The following DDX5 variants were observed in gnomAD, a reference collection of about 807,000 sequenced individuals.
DDX5 encodes the protein DEAD-box helicase 5.
Under a neutral mutation model 68.6 loss-of-function variants are expected in DDX5, and 6 were observed. That is an observed-to-expected ratio of 0.09 (90% confidence interval 0.05 to 0.17). The LOEUF (loss-of-function observed/expected upper bound fraction) is 0.17. Ranked by LOEUF, DDX5 falls within the 10% of genes least tolerant of loss-of-function variation. The pLI is 1.00. For missense variants in DDX5, 499 were observed against 756.1 expected (o/e 0.66, Z 3.99); for synonymous variants, 350 against 247.0 (o/e 1.42, Z -3.91).
In DDX5 at chr17:64,502,405, A is replaced by G. The variant is rs376858379; in HGVS notation, c.1094+34T>C. Reference sequence around the variant, plus strand: ...GTTTGCCCTTTCCTAAGCTGTTTTAATCAATCTGCTTCAATGGAGGAGCTC... The same window carrying G: ...GTTTGCCCTTTCCTAAGCTGTTTTAGTCAATCTGCTTCAATGGAGGAGCTC... On this transcript the variant is annotated intron_variant, in intron 9 of 12. Transcript: ENST00000225792. The G allele has an allele frequency of 9.8e-6, 15 of 1,537,190 alleles. No individual in the cohort carries two copies. In the African/African-American group the frequency reaches 1.8e-4, roughly 18 times the overall value.
intron 1 of DDX5, 44 bp from the exon 2 acceptor site, chr17:64,504,886 C>T (rs782127243): frequency 3.2e-6 from 5 of 1,565,222 alleles, no homozygotes; most frequent in African/African-American, 1.4e-5. Flanking sequence ...AATGGCTATA[C>T]CCAGGTTTCT....
In DDX5 at chr17:64,500,643, G is replaced by A; in HGVS notation, c.1347C>T (p.Asn449=). Residue 449 remains asparagine (N), a synonymous_variant, in exon 12 of 13, where the codon AAC becomes AAT. Coordinates refer to ENST00000225792, the MANE Select transcript of DDX5 (RefSeq NM_004396.5). ...AGATAAGGTCGCTCACTTGCTTTAT[G>A]TTATTAGGTGTAAAGAAAGTGTATG... The part of the protein sequence containing the change: ...GTAYTFFTPN[N]IKQVSDLISV... 1 of 1,614,174 alleles carries A rather than the reference G, an allele frequency of 6.2e-7. No individual in the cohort carries two copies. Among genetic ancestry groups the A allele is most frequent in the Non-Finnish European group, 8.5e-7 (1 of 1,180,014 alleles).
intron 1 of DDX5, chr17:64,505,415 A>AG: frequency 1.9e-6 from 1 of 530,756 alleles, no homozygotes; most frequent in Non-Finnish European, 3.4e-6. Flanking sequence ...GCAGGAAAAA[A>AG]GAAAAGGAGG....
intron 1 of DDX5, chr17:64,505,660 C>G (rs782228948): frequency 3.8e-5 from 53 of 1,399,990 alleles, no homozygotes; most frequent in African/African-American, 2.3e-4. Flanking sequence ...GCCCTCCTAC[C>G]CCAACAGCAC....
chr17:64,502,651 TG>T lies in DDX5; in HGVS notation c.984-103del. 3 of 913,272 alleles carry T rather than the reference TG, an allele frequency of 3.3e-6. No individual in the cohort carries two copies. The South Asian group carries it at 4.8e-5, about 15-fold the overall frequency. The allele number at this position is 913,272 out of a possible 1,614,324, so 56.6% of individuals were successfully genotyped here. ...AAACATTAAGTTCAATTTACATGGCTGGAAGTCAAAGAGGAAACGCCTGCTA... is the reference window on the plus strand; with the variant it reads ...AAACATTAAGTTCAATTTACATGGCTGAAGTCAAAGAGGAAACGCCTGCTA... On this transcript the variant is annotated intron_variant, in intron 8 of 12. Transcript: ENST00000225792.
upstream of DDX5, chr17:64,506,806 G>GGACCGTCC (rs1348743603): frequency 8.8e-6 from 5 of 570,788 alleles, no homozygotes; most frequent in African/African-American, 9.4e-5. Context: ...CGGCTGATGT[G>GGACCGTCC]GACCGTCCGA....
At chr17:64,505,129 G>C in intron 1 of DDX5, 1 of 330,314 alleles carries the variant, frequency 3.0e-6, no homozygotes, top group Non-Finnish European at 5.5e-6. Context: ...CCAGAATTTG[G>C]GATTCTGGCA....
chr17:64,501,938 A>G lies in DDX5; in HGVS notation c.1216+72T>C, dbSNP rs1200290062. The stretch of plus-strand genomic sequence containing the variant: ...GAAAAAATGCAGGTTAAAGAAAGCA[A>G]TAAACTTTCTTTAAAAAAGTTAAAT... On this transcript the variant is annotated intron_variant, in intron 11 of 12. Coordinates refer to ENST00000225792, the MANE Select transcript of DDX5 (RefSeq NM_004396.5). 5 of 1,480,158 alleles carry G rather than the reference A, an allele frequency of 3.4e-6. No homozygotes were observed. In the African/African-American group the frequency reaches 7.0e-5, roughly 21 times the overall value. 91.7% of individuals were successfully genotyped at this position (1,480,158 alleles called of 1,614,324 possible). A position where few individuals can be genotyped will look rare whatever the true frequency, so the allele number is the denominator to read the frequency against.
At chr17:64,506,019 G>GGGGGC in intron 1 of DDX5, 57 bp downstream of exon 1, 2 of 1,360,444 alleles carry the variant, frequency 1.5e-6, no homozygotes, top group Non-Finnish European at 2.0e-6. Flanking sequence ...CCGCCACCCT[G>GGGGGC]ACCCGCCCTC....
chr17:64,506,478 A>G (rs905422463), upstream of DDX5: 3 of 1,076,644 alleles, frequency 2.8e-6, no homozygotes, highest in East Asian at 3.3e-5. Context: ...CCCACCCACC[A>G]TTGGAATGCC....
chr17:64,504,631 T>G, intron 2 of DDX5, 46 bp downstream of exon 2: 2 of 1,552,218 alleles, frequency 1.3e-6, no homozygotes, highest in Non-Finnish European at 1.7e-6. Flanking sequence ...TTTACTAGAA[T>G]CCACGATCGA....
chr17:64,505,470 G>A (rs1313651224), intron 1 of DDX5: 15 of 569,218 alleles, frequency 2.6e-5, no homozygotes, highest in Non-Finnish European at 4.1e-5. Flanking sequence ...GGCGGAGTCG[G>A]CCGGGCGGCG....
At chr17:64,503,736 T>A (rs1216320566) in intron 5 of DDX5, 67 bp downstream of exon 5, 2 of 1,558,220 alleles carry the variant, frequency 1.3e-6, no homozygotes, top group Admixed American at 3.6e-5. Flanking sequence ...AATGATTACA[T>A]CTTTAGCTAT....
Position 64,503,656 on chromosome 17 carries a change from A to G in DDX5, c.508-85T>C, listed in dbSNP as rs1320303164. 7.0e-6 allele frequency: 11 copies of G among 1,574,180 alleles called. No individual in the cohort carries two copies. The East Asian group carries it at 9.0e-5, about 13-fold the overall frequency. On this transcript the variant is annotated intron_variant, in intron 5 of 12. Transcript: ENST00000225792. ...TATTATACTAGCAGATCCTTTCTTCATGTGTTGTCCAATACCCAAAACAGC... is the reference window on the plus strand; with the variant it reads ...TATTATACTAGCAGATCCTTTCTTCGTGTGTTGTCCAATACCCAAAACAGC...
chr17:64,500,455 TC>T, intron 12 of DDX5, 93 bp downstream of exon 12: 1 of 1,516,584 alleles, frequency 6.6e-7, no homozygotes, highest in South Asian at 1.2e-5. Context: ...GTTTTCACAT[TC>T]AAGGTTTTAC....
chr17:64,503,069 C>T lies in DDX5; in HGVS notation c.840G>A (p.Ala280=), dbSNP rs781937047. 8.1e-6 allele frequency: 13 copies of T among 1,613,696 alleles called. No homozygotes were observed. Among genetic ancestry groups the T allele is most frequent in the Admixed American group, 3.3e-5 (2 of 59,958 alleles). The change falls in exon 8 of 13, where the codon GCG becomes GCA. Residue 280 remains alanine (A), a synonymous_variant. Coordinates refer to ENST00000225792, the MANE Select transcript of DDX5 (RefSeq NM_004396.5). ...RPDRQTLMWS[A]TWPKEVRQLA... is the part of the protein sequence containing the mutation. Reference sequence around the variant, plus strand: ...GCTGTCTTACTTCTTTTGGCCAAGTCGCACTCCACATTAGAGTTTGCCTAT... The same window carrying T: ...GCTGTCTTACTTCTTTTGGCCAAGTTGCACTCCACATTAGAGTTTGCCTAT...
rs781954078 is a variant in DDX5 at position 64,499,880 on chromosome 17, G to A, written c.*43C>T. 4 of 1,499,908 alleles carry A rather than the reference G, an allele frequency of 2.7e-6. No homozygotes were observed. Among genetic ancestry groups the A allele is most frequent in the South Asian group, 1.3e-5 (1 of 75,826 alleles). 92.9% of individuals were successfully genotyped at this position (1,499,908 alleles called of 1,614,324 possible). A position where few individuals can be genotyped will look rare whatever the true frequency, so the allele number is the denominator to read the frequency against. ...CTTGTCAGATAACACACAATATAAA[G>A]AGCAATTATGAAAAACAGACATTTA... is the stretch of plus-strand genomic sequence containing the variant. On this transcript the variant is annotated 3_prime_UTR_variant, in exon 13 of 13. Transcript: ENST00000225792.
At chr17:64,506,390 G>A (rs1598160431), upstream of DDX5, 3 of 1,403,706 alleles carry the variant, frequency 2.1e-6, no homozygotes, top group Non-Finnish European at 2.8e-6. Context: ...CGCCCCTCGC[G>A]CATAGGCCGC....
rs1338923055 is a variant in DDX5 at position 64,499,266 on chromosome 17, A to C, written c.*657T>G. 6.6e-6 allele frequency among the ~76,000 whole-genome samples: 1 copy of C among 152,186 alleles called. No homozygotes were observed. The highest frequency in any genetic ancestry group is 1.5e-5 in the Non-Finnish European group (1 of 68,038). On this transcript the variant is annotated 3_prime_UTR_variant, in exon 13 of 13. Coordinates refer to ENST00000225792, the MANE Select transcript of DDX5 (RefSeq NM_004396.5). ...CTTTGAAAAAGTCACCCACGTTCTC[A>C]CACTATATAGATGACTTTGTATCTA...
Sources: allele counts gnomAD v4.1 joint callset (sites outside exome capture counted in the v4.1 genomes callset), GRCh38; gene constraint gnomAD v4.1.1; transcripts MANE v1.5; gene names NCBI Gene and HGNC (gene_info 2026-07-23, HGNC 2026-07-21).